HSPA12A: variants seen among roughly 807,000 people sequenced by gnomAD.
HSPA12A encodes the protein heat shock protein family A (Hsp70) member 12A, also known as heat shock 70 kDa protein 12A.
Under a neutral mutation model 69.2 loss-of-function variants are expected in HSPA12A, and 28 were observed. The observed-to-expected ratio is 0.40, with a 90% CI of 0.30 to 0.55. The LOEUF is 0.55. HSPA12A is among the 20% of genes least tolerant of loss of function. The pLI, the probability that HSPA12A is intolerant of heterozygous loss-of-function variation, is 0.38. For missense variants in HSPA12A, 686 were observed against 900.7 expected, an observed-to-expected ratio of 0.76 and a Z score of 3.05; for synonymous variants, 345 against 370.5, an observed-to-expected ratio of 0.93 and a Z score of 0.79.
At chr10:116,761,616 T>C (rs1211176690) in intron 2 of HSPA12A, among the ~76,000 whole-genome samples, 18 of 151,132 alleles carry the variant, frequency 1.2e-4, no homozygotes, top group African/African-American at 4.4e-4. Context: ...AGCATGGTAG[T>C]GCACGTCTGG....
chr10:116,687,003 G>T (rs1849594575), intron 6 of HSPA12A, among the ~76,000 whole-genome samples: 1 of 152,194 alleles, frequency 6.6e-6, no homozygotes, highest in Non-Finnish European at 1.5e-5. Context: ...AGATCCAGCA[G>T]TCTAGAGGGG....
chr10:116,784,007 T>C (rs1198744642), intron 2 of HSPA12A, among the ~76,000 whole-genome samples: 2 of 152,190 alleles, frequency 1.3e-5, no homozygotes, highest in Non-Finnish European at 2.9e-5. Context: ...CCCAGCCCAT[T>C]TATGGTTTTT....
At position 116,707,247 on chromosome 10, in the gene HSPA12A, T is replaced by C; in HGVS notation, c.79A>G (p.Ser27Gly). 6.2e-7 allele frequency: 1 copy of C among 1,612,594 alleles called. No homozygotes were observed. The highest frequency in any genetic ancestry group is 8.5e-7 in the Non-Finnish European group (1 of 1,179,700). ...PTSAYSSPAR[S>G]LGDTGITPLS... ...GGCGTTATTCCTGTGTCCCCAAGAC[T>C]CCGGGCTGGAGATGAATATGCAGAT... is the stretch of plus-strand genomic sequence containing the variant. The change falls in exon 2 of 12, where the codon AGT becomes GGT. Residue 27 changes from serine to glycine, a missense_variant. By Grantham distance (56) the Ser-to-Gly change is moderately conservative. Transcript: ENST00000369209.
At position 116,681,976 on chromosome 10, in the gene HSPA12A, G is replaced by A. The variant is rs74796052; in HGVS notation, c.836-99C>T. 2,884 of 1,062,110 alleles carry A rather than the reference G, an allele frequency of 2.7e-3. 51 individuals carry two copies. In the African/African-American group the frequency reaches 0.039, roughly 14 times the overall value. The allele number at this position is 1,062,110 out of a possible 1,614,324, so 65.8% of individuals were successfully genotyped here. The stretch of plus-strand genomic sequence containing the variant: ...AGGCAATAGCATGAGGAGATTTAGG[G>A]ATGGAACATTAGTGACATTTGACCA... On this transcript the variant is annotated intron_variant, in intron 7 of 11. Coordinates refer to ENST00000369209, the MANE Select transcript of HSPA12A (RefSeq NM_025015.3).
intron 1 of HSPA12A, among the ~76,000 whole-genome samples, chr10:116,738,739 G>T (rs552483127): frequency 4.6e-5 from 7 of 152,274 alleles, no homozygotes; most frequent in African/African-American, 1.7e-4. Context: ...TTCCTGAGAG[G>T]TGATACCTTA....
chr10:116,839,622 A>C (rs1845772914), intron 1 of HSPA12A, among the ~76,000 whole-genome samples: 1 of 151,802 alleles, frequency 6.6e-6, no homozygotes, highest in African/African-American at 2.4e-5. Context: ...AAAAAAAAAA[A>C]AAAAAAAACC....
At chr10:116,747,698 C>T (rs1554887947) in intron 2 of HSPA12A, among the ~76,000 whole-genome samples, 1 of 152,142 alleles carries the variant, frequency 6.6e-6, no homozygotes, top group East Asian at 1.9e-4. Context: ...AATAAATGGT[C>T]CAGTAAATAA....
At chr10:116,759,606 G>A (rs1564810417) in intron 2 of HSPA12A, among the ~76,000 whole-genome samples, 1 of 152,322 alleles carries the variant, frequency 6.6e-6, no homozygotes, top group East Asian at 1.9e-4. Context: ...AGGGAATAAG[G>A]GGGAAATGGA....
chr10:116,740,942 C>T, intron 1 of HSPA12A, among the ~76,000 whole-genome samples: 1 of 103,686 alleles, frequency 9.6e-6, no homozygotes. Context: ...TTTTTATTTT[C>T]TGACTTAAAG....
intron 2 of HSPA12A, among the ~76,000 whole-genome samples, chr10:116,768,312 G>A (rs1554889989): frequency 6.6e-6 from 1 of 152,212 alleles, no homozygotes; most frequent in Non-Finnish European, 1.5e-5. Context: ...AATCCATAGA[G>A]ACAGAAAGCA....
intron 2 of HSPA12A, among the ~76,000 whole-genome samples, chr10:116,822,592 C>A (rs1452380305): frequency 6.6e-6 from 1 of 152,098 alleles, no homozygotes; most frequent in Non-Finnish European, 1.5e-5. Context: ...GTGCATGGAC[C>A]ATTGGATGGC....
chr10:116,686,756 A>G lies in HSPA12A; in HGVS notation c.664-2794T>C, dbSNP rs956645044. On this transcript the variant is annotated intron_variant, in intron 6 of 11. Transcript: ENST00000369209. This position sits in a 1 kb window ranked among gnomAD's most constrained non-coding sequence, Gnocchi z 4.1. Reference sequence around the variant, plus strand: ...TCCCACACTGTAAGTCCCACTCCTCATCCCTCTTCCCACACCATAAGTTCC... The same window carrying G: ...TCCCACACTGTAAGTCCCACTCCTCGTCCCTCTTCCCACACCATAAGTTCC... Among the ~76,000 whole-genome samples, 5 of 150,704 alleles carry G rather than the reference A, an allele frequency of 3.3e-5. No individual in the cohort carries two copies. Among genetic ancestry groups the G allele is most frequent in the Non-Finnish European group, 7.4e-5 (5 of 67,642 alleles).
chr10:116,697,662 TC>T (rs1849951247), intron 5 of HSPA12A, among the ~76,000 whole-genome samples: 2 of 152,232 alleles, frequency 1.3e-5, no homozygotes, highest in Non-Finnish European at 2.9e-5. Context: ...TAAGTATGTT[TC>T]CTGCCTCTCT....
intron 2 of HSPA12A, among the ~76,000 whole-genome samples, chr10:116,763,489 G>A (rs990049424): frequency 1.3e-5 from 2 of 152,062 alleles, no homozygotes; most frequent in Non-Finnish European, 2.9e-5. Context: ...TGCATACATC[G>A]CTTCTGTTTG....
Position 116,675,099 on chromosome 10 carries a change from C to T in HSPA12A, c.1710G>A (p.Lys570=). 1 of 1,614,042 alleles carries T rather than the reference C, an allele frequency of 6.2e-7. No individual in the cohort carries two copies. Among genetic ancestry groups the T allele is most frequent in the Non-Finnish European group, 8.5e-7 (1 of 1,180,034 alleles). Residue 570 remains lysine (K), a synonymous_variant, in exon 12 of 12, where the codon AAG becomes AAA. Transcript: ENST00000369209. This position sits in a 1 kb window ranked among gnomAD's most constrained non-coding sequence, Gnocchi z 5.2. ...CCACAGACTGGTCGGCAGAGATGAACTTGTCAAAGACGTCGGTGCACCACC... is the reference window on the plus strand; with the variant it reads ...CCACAGACTGGTCGGCAGAGATGAATTTGTCAAAGACGTCGGTGCACCACC... ...GTRWCTDVFD[K]FISADQSVAL...
chr10:116,708,688 A>C (rs890353043), intron 1 of HSPA12A, among the ~76,000 whole-genome samples: 2 of 152,214 alleles, frequency 1.3e-5, no homozygotes, highest in Non-Finnish European at 2.9e-5. Context: ...GGCACAGTCC[A>C]GTAATTACAG....
rs1202931660 is a variant in HSPA12A, at chr10:116,673,373, G to A, written c.*1408C>T. On this transcript the variant is annotated 3_prime_UTR_variant, in exon 12 of 12. Transcript: ENST00000369209. ...GTGGAGCCCCAATCCCATTGACCAA[G>A]AGGGCAAGGTATGGGGTCACCTTCT... 1 of 152,154 alleles carries A rather than the reference G, an allele frequency of 6.6e-6. No individual in the cohort carries two copies. Among genetic ancestry groups the A allele is most frequent in the Non-Finnish European group, 1.5e-5 (1 of 68,040 alleles). 9.4% of individuals were successfully genotyped at this position (152,154 alleles called of 1,614,324 possible).
chr10:116,750,117 T>G (rs1264755010), intron 2 of HSPA12A: 1 of 506,648 alleles, frequency 2.0e-6, no homozygotes, highest in Non-Finnish European at 3.6e-6. Flanking sequence ...GAAGGGGATA[T>G]GATAATGTGT....
At chr10:116,828,965 G>A (rs180857769) in intron 2 of HSPA12A, 1 of 152,280 alleles carries the variant, frequency 6.6e-6, no homozygotes, top group East Asian at 1.9e-4. Flanking sequence ...TTTTTACCGT[G>A]TTTCCATCCA....
Sources: allele counts gnomAD v4.1 joint callset (sites outside exome capture counted in the v4.1 genomes callset), GRCh38; gene constraint gnomAD v4.1.1; non-coding constraint Gnocchi (gnomAD v3.1); transcripts MANE v1.5; gene names NCBI Gene and HGNC (gene_info 2026-07-23, HGNC 2026-07-21).